C1orf21: variants seen among roughly 807,000 people sequenced by gnomAD.
The protein encoded by C1orf21 is uncharacterized protein C1orf21.
Under a neutral mutation model 18.7 loss-of-function variants are expected in C1orf21, and 3 were observed. That is an observed-to-expected ratio of 0.16 (90% CI 0.07 to 0.42). The LOEUF is 0.42. C1orf21 is among the 10% of genes least tolerant of loss of function. C1orf21 has a pLI of 0.99. For synonymous variants in C1orf21, 41 were observed against 46.4 expected (o/e 0.88, Z 0.47); for missense variants, 104 against 143.6 (o/e 0.72, Z 1.41).
At chr1:184,596,353 A>G in intron 4 of C1orf21, among the ~76,000 whole-genome samples, 1 of 152,196 alleles carries the variant, frequency 6.6e-6, no homozygotes, top group East Asian at 1.9e-4. Context: ...CATGAATCAC[A>G]TGAACTTAAA....
intron 3 of C1orf21, among the ~76,000 whole-genome samples, chr1:184,576,057 A>G (rs904768379): frequency 2.0e-5 from 3 of 152,176 alleles, no homozygotes; most frequent in Non-Finnish European, 1.5e-5. Flanking sequence ...GATCAGCTTC[A>G]TTCCTGTTAG....
At chr1:184,446,068 A>G (rs958265218) in intron 1 of C1orf21, among the ~76,000 whole-genome samples, 1 of 152,180 alleles carries the variant, frequency 6.6e-6, no homozygotes, top group African/African-American at 2.4e-5. Context: ...TTTTAATGAT[A>G]GACTTTAGAA....
At chr1:184,506,672 G>A (rs1453214182) in intron 2 of C1orf21, among the ~76,000 whole-genome samples, 1 of 152,168 alleles carries the variant, frequency 6.6e-6, no homozygotes, top group Non-Finnish European at 1.5e-5. Context: ...ATGATTCAGA[G>A]TCACACCTAT....
At chr1:184,519,697 T>A (rs538123803) in intron 3 of C1orf21, among the ~76,000 whole-genome samples, 1 of 152,322 alleles carries the variant, frequency 6.6e-6, no homozygotes, top group East Asian at 1.9e-4. Flanking sequence ...GCATATAAAT[T>A]TCACTCATCT....
At chr1:184,504,289 C>T (rs888506338) in intron 2 of C1orf21, among the ~76,000 whole-genome samples, 3 of 151,992 alleles carry the variant, frequency 2.0e-5, no homozygotes, top group African/African-American at 4.8e-5. Context: ...TGGGGGGAGC[C>T]GAAGGAAGAC....
chr1:184,436,094 GGGAGATGCT>G (rs1448895031), intron 1 of C1orf21, among the ~76,000 whole-genome samples: 2 of 152,068 alleles, frequency 1.3e-5, no homozygotes, highest in Non-Finnish European at 2.9e-5. Flanking sequence ...CCAATAGAAA[GGGAGATGCT>G]GGTGATGGAT....
At chr1:184,559,161 G>A (rs1658917473) in intron 3 of C1orf21, among the ~76,000 whole-genome samples, 1 of 152,134 alleles carries the variant, frequency 6.6e-6, no homozygotes, top group Non-Finnish European at 1.5e-5. Context: ...GGTCAGGCCT[G>A]GTAGGAGGTG....
chr1:184,562,327 C>T (rs1185505157), intron 3 of C1orf21, among the ~76,000 whole-genome samples: 2 of 152,088 alleles, frequency 1.3e-5, no homozygotes, highest in Non-Finnish European at 2.9e-5. Flanking sequence ...TTGTTCACTC[C>T]ACCTTTTAAA....
At chr1:184,614,263 C>T (rs76594507) in intron 5 of C1orf21, among the ~76,000 whole-genome samples, 9,038 of 152,228 alleles carry the variant, frequency 0.059, 371 homozygotes, top group African/African-American at 0.1. Flanking sequence ...CATGTATATG[C>T]TTAATTCCCA....
chr1:184,437,331 GT>G, intron 1 of C1orf21, among the ~76,000 whole-genome samples: 1 of 152,252 alleles, frequency 6.6e-6, no homozygotes, highest in South Asian at 2.1e-4. Flanking sequence ...AATCAAGCCT[GT>G]TATTTCAGCA....
intron 1 of C1orf21, among the ~76,000 whole-genome samples, chr1:184,462,101 C>T (rs552976676): frequency 6.6e-6 from 1 of 152,224 alleles, no homozygotes; most frequent in African/African-American, 2.4e-5. Flanking sequence ...GAGGATTCAC[C>T]TTTTGTTAAT....
chr1:184,416,339 A>AT (rs1408540902), intron 1 of C1orf21, among the ~76,000 whole-genome samples: 1 of 152,224 alleles, frequency 6.6e-6, no homozygotes. Flanking sequence ...TACAATGGGA[A>AT]AAAATAAAAT....
At chr1:184,571,710 C>A (rs1659116218) in intron 3 of C1orf21, among the ~76,000 whole-genome samples, 1 of 152,124 alleles carries the variant, frequency 6.6e-6, no homozygotes, top group African/African-American at 2.4e-5. Context: ...CCCTTCCAGA[C>A]CTCTCTCATC....
intron 2 of C1orf21, among the ~76,000 whole-genome samples, chr1:184,487,313 C>A (rs1485408160): frequency 6.6e-6 from 1 of 152,224 alleles, no homozygotes; most frequent in East Asian, 1.9e-4. Flanking sequence ...CTGCCTTCTG[C>A]ACTTGGAACT....
chr1:184,426,995 A>G (rs1656647213), intron 1 of C1orf21, among the ~76,000 whole-genome samples: 1 of 152,198 alleles, frequency 6.6e-6, no homozygotes, highest in Non-Finnish European at 1.5e-5. Flanking sequence ...TAGCACAGCC[A>G]ATGGAGAGGA....
chr1:184,405,083 C>A lies in C1orf21; in HGVS notation c.-125+17715C>A, dbSNP rs115182826. On this transcript the variant is annotated intron_variant, in intron 1 of 5. Transcript: ENST00000235307. ...AAATTTTAAAACCTTTTTCTTAATT[C>A]TTCAGAGATTACCTTATGTTATGCA... Among the ~76,000 whole-genome samples the A allele has an allele frequency of 7.2e-3, 1,092 of 152,226 alleles. 14 individuals are homozygous for A. Among genetic ancestry groups the A allele is most frequent in the African/African-American group, 0.025 (1,052 of 41,516 alleles).
At chr1:184,426,203 C>G (rs1656634481) in intron 1 of C1orf21, among the ~76,000 whole-genome samples, 1 of 152,250 alleles carries the variant, frequency 6.6e-6, no homozygotes, top group African/African-American at 2.4e-5. Context: ...GTCCTCAGAA[C>G]AGTGCATGAT....
At chr1:184,426,467 A>G (rs1479898750) in intron 1 of C1orf21, among the ~76,000 whole-genome samples, 1 of 151,614 alleles carries the variant, frequency 6.6e-6, no homozygotes, top group East Asian at 1.9e-4. Context: ...AGACCCACCC[A>G]CCTCTCTCTG....
intron 3 of C1orf21, among the ~76,000 whole-genome samples, chr1:184,561,059 G>A (rs971358579): frequency 6.6e-6 from 1 of 152,166 alleles, no homozygotes; most frequent in Non-Finnish European, 1.5e-5. Flanking sequence ...CTAAGTAGAG[G>A]TATATTTCCA....
Sources: gnomAD v4.1 joint callset for allele counts (sites outside exome capture counted in the v4.1 genomes callset) on GRCh38, gnomAD v4.1.1 for gene constraint, MANE v1.5 for transcripts, NCBI Gene and HGNC (gene_info 2026-07-23, HGNC 2026-07-21) for gene names.